G3BP2: variants seen among roughly 807,000 people sequenced by gnomAD.
The protein encoded by G3BP2 is G3BP stress granule assembly factor 2, also known as ras GTPase-activating protein-binding protein 2.
Under a neutral mutation model 56.7 loss-of-function variants are expected in G3BP2, and 11 were observed. The observed-to-expected ratio is 0.19, with a 90% CI of 0.12 to 0.32. G3BP2 has a LOEUF of 0.32. Ranked by LOEUF, G3BP2 falls within the 10% of genes least tolerant of loss-of-function variation. The pLI, the probability that G3BP2 is intolerant of heterozygous loss-of-function variation, is 1.00. For synonymous variants in G3BP2, 165 were observed against 191.6 expected, an observed-to-expected ratio of 0.86 and a Z score of 1.15; for missense variants, 340 against 610.9, an observed-to-expected ratio of 0.56 and a Z score of 4.67.
At chr4:75,651,644 G>C (rs2148961701) in intron 8 of G3BP2, among the ~76,000 whole-genome samples, 1 of 152,294 alleles carries the variant, frequency 6.6e-6, no homozygotes, top group East Asian at 1.9e-4. Flanking sequence ...ATTAAAACTA[G>C]TTTTTCTGAA....
At chr4:75,704,026 C>CT (rs1164490779) in intron 3 of G3BP2, among the ~76,000 whole-genome samples, 14 of 115,156 alleles carry the variant, frequency 1.2e-4, no homozygotes, top group East Asian at 5.3e-4. Flanking sequence ...TTTTTTTTTT[C>CT]TTTTTTTTTT....
At chr4:75,705,698 A>G (rs1158596696) in intron 3 of G3BP2, among the ~76,000 whole-genome samples, 1 of 152,190 alleles carries the variant, frequency 6.6e-6, no homozygotes, top group African/African-American at 2.4e-5. Flanking sequence ...GTTCTGCCAC[A>G]GCCACATTCA....
chr4:75,654,268 G>C (rs1020994481), intron 7 of G3BP2, among the ~76,000 whole-genome samples, 187 bp from the exon 8 acceptor site: 4 of 152,214 alleles, frequency 2.6e-5, no homozygotes, highest in Admixed American at 6.5e-5. Context: ...CATTATGCAA[G>C]CTTATTTATA....
chr4:75,663,865 T>C (rs1327463161), intron 1 of G3BP2, among the ~76,000 whole-genome samples: 4 of 2,750 alleles, frequency 1.5e-3, no homozygotes, highest in Admixed American at 4.0e-3. Context: ...CTCAAAAAAA[T>C]AAAAAATAAA....
intron 3 of G3BP2, among the ~76,000 whole-genome samples, chr4:75,708,691 C>A (rs1314668313): frequency 1.3e-5 from 2 of 152,222 alleles, no homozygotes; most frequent in African/African-American, 4.8e-5. Flanking sequence ...AAAGTTTGGG[C>A]TGGGCATGGT....
At chr4:75,708,414 G>A (rs553075031) in intron 3 of G3BP2, among the ~76,000 whole-genome samples, 64 of 152,254 alleles carry the variant, frequency 4.2e-4, no homozygotes, top group African/African-American at 1.4e-3. Flanking sequence ...AATTCTATAA[G>A]CCACATGATC....
rs373753172 is a variant in G3BP2 at position 75,646,724 on chromosome 4, A to G, written c.1058-268T>C. 2.0e-3 allele frequency among the ~76,000 whole-genome samples: 311 copies of G among 152,278 alleles called. 1 individual carries two copies. The highest frequency in any genetic ancestry group is 7.2e-3 in the African/African-American group (300 of 41,554). The stretch of plus-strand genomic sequence containing the variant: ...TTAACTGCATAATTTTGGAAAGACA[A>G]TGTATTTTCTCCTAATATATTGACC... On this transcript the variant is annotated intron_variant, in intron 10 of 11. Transcript: ENST00000359707.
intron 3 of G3BP2, among the ~76,000 whole-genome samples, chr4:75,701,375 C>G (rs1001359417): frequency 6.6e-6 from 1 of 151,886 alleles, no homozygotes. Context: ...TCAATGCAAC[C>G]TCCGCCTCCT....
At chr4:75,675,205 A>G (rs537775110), upstream of G3BP2, among the ~76,000 whole-genome samples, 9 of 152,210 alleles carry the variant, frequency 5.9e-5, no homozygotes, top group African/African-American at 2.2e-4. Flanking sequence ...AATTGCCGCA[A>G]TTCACTTATC....
intron 3 of G3BP2, among the ~76,000 whole-genome samples, chr4:75,709,147 C>A (rs1719658960): frequency 6.6e-6 from 1 of 151,252 alleles, no homozygotes; most frequent in Non-Finnish European, 1.5e-5. Flanking sequence ...CCAGGCAGGG[C>A]ATGGTGGCTC....
intron 3 of G3BP2, among the ~76,000 whole-genome samples, chr4:75,678,928 T>A (rs1733976064): frequency 6.6e-6 from 1 of 152,262 alleles, no homozygotes; most frequent in Non-Finnish European, 1.5e-5. Flanking sequence ...AAAAAGTATA[T>A]GCACCAATTG....
intron 1 of G3BP2, among the ~76,000 whole-genome samples, chr4:75,662,711 A>G (rs1400213250): frequency 6.6e-6 from 1 of 152,108 alleles, no homozygotes; most frequent in Non-Finnish European, 1.5e-5. Flanking sequence ...GGGAAATAGC[A>G]TCTTTGTTCA....
chr4:75,720,053 G>A (rs968141800), intron 3 of G3BP2, among the ~76,000 whole-genome samples: 3 of 69,226 alleles, frequency 4.3e-5, no homozygotes, highest in African/African-American at 1.4e-4. Flanking sequence ...GTCTCACTCC[G>A]TCACCTGGGC....
At chr4:75,701,661 C>T (rs937201422) in intron 3 of G3BP2, among the ~76,000 whole-genome samples, 7 of 152,176 alleles carry the variant, frequency 4.6e-5, no homozygotes, top group African/African-American at 7.2e-5. Context: ...CTCCTGACCT[C>T]AGGTGATCCG....
intron 3 of G3BP2, among the ~76,000 whole-genome samples, chr4:75,707,845 C>G (rs778825008): frequency 5.3e-5 from 8 of 152,104 alleles, no homozygotes; most frequent in Non-Finnish European, 1.2e-4. Flanking sequence ...TTCAATATTA[C>G]ACATTAATTT....
chr4:75,650,976 G>A (rs1203548863), intron 8 of G3BP2, among the ~76,000 whole-genome samples: 1 of 152,156 alleles, frequency 6.6e-6, no homozygotes, highest in South Asian at 2.1e-4. Flanking sequence ...TTAGTTCTCT[G>A]ACCCAAAACA....
intron 3 of G3BP2, among the ~76,000 whole-genome samples, chr4:75,678,545 T>C (rs1733962516): frequency 2.0e-5 from 3 of 152,172 alleles, no homozygotes; most frequent in Non-Finnish European, 4.4e-5. Flanking sequence ...CTGGGCACAA[T>C]GGGGTATGCT....
chr4:75,673,665 C>T (rs964566425), upstream of G3BP2: 8 of 1,221,616 alleles, frequency 6.5e-6, no homozygotes, highest in Admixed American at 2.5e-4. Context: ...GGCTGCCTTT[C>T]TCCGGTCCCG....
intron 8 of G3BP2, among the ~76,000 whole-genome samples, chr4:75,652,393 C>T (rs1050200074): frequency 4.6e-5 from 7 of 152,110 alleles, no homozygotes; most frequent in Non-Finnish European, 7.4e-5. Context: ...GAGGCCAATG[C>T]GGGTGGATCA....
Sources: allele counts gnomAD v4.1 joint callset (sites outside exome capture counted in the v4.1 genomes callset), GRCh38; gene constraint gnomAD v4.1.1; transcripts MANE v1.5; gene names NCBI Gene and HGNC (gene_info 2026-07-23, HGNC 2026-07-21).